The following SEC61A1 variants were observed in gnomAD, a reference collection of about 807,000 sequenced individuals.
The protein encoded by SEC61A1 is protein transport protein Sec61 subunit alpha isoform 1.
A neutral mutation model predicts 55.2 loss-of-function variants in SEC61A1; 15 were observed. The observed-to-expected ratio is 0.27, with a 90% CI of 0.18 to 0.42. The LOEUF is 0.42. SEC61A1 is among the 10% of genes least tolerant of loss of function. The pLI, the probability that SEC61A1 is intolerant of heterozygous loss-of-function variation, is 1.00. For synonymous variants in SEC61A1, 247 were observed against 234.0 expected, an observed-to-expected ratio of 1.06 and a Z score of -0.51; for missense variants, 284 against 602.6, an observed-to-expected ratio of 0.47 and a Z score of 5.53.
rs1258912360 is a variant in SEC61A1, at chr3:128,069,740, T to C, written c.*78T>C. On this transcript the variant is annotated 3_prime_UTR_variant, in exon 12 of 12. Transcript: ENST00000243253. ...GAGCTCTCATCATGGCGCGTGCTGC[T>C]GCGGCATATGGACTTTTAATAATGT... is the stretch of plus-strand genomic sequence containing the variant. The C allele has an allele frequency of 8.6e-7, 1 of 1,163,804 alleles. No individual in the cohort carries two copies. Among genetic ancestry groups the C allele is most frequent in the African/African-American group, 1.5e-5 (1 of 65,006 alleles). The allele number at this position is 1,163,804 out of a possible 1,614,324, so 72.1% of individuals were successfully genotyped here.
chr3:128,052,729 C>T lies in SEC61A1; in HGVS notation c.8-106C>T, dbSNP rs1239235877. 2.0e-5 allele frequency: 30 copies of T among 1,489,270 alleles called. 1 individual carries two copies. In the Middle Eastern group the frequency reaches 1.0e-3, roughly 51 times the overall value. 92.3% of individuals were successfully genotyped at this position (1,489,270 alleles called of 1,614,324 possible). On this transcript the variant is annotated intron_variant, in intron 1 of 11. Transcript: ENST00000243253. ...CACGCGTCCGGGGTGCGGCCGGCTC[C>T]CCTGGCCCCTGCTCTCACTCGTCGT...
chr3:128,058,201 A>ATTTTTTTTTTTTTTTTTTTTTT (rs57508280), intron 5 of SEC61A1, among the ~76,000 whole-genome samples: 5 of 79,358 alleles, frequency 6.3e-5, no homozygotes, highest in Admixed American at 1.9e-4. Flanking sequence ...AAATACGTCT[A>ATTTTTTTTTTTTTTTTTTTTTT]TTTTTTTTTT....
At chr3:128,053,568 T>C (rs1941723493) in intron 2 of SEC61A1, among the ~76,000 whole-genome samples, 1 of 152,266 alleles carries the variant, frequency 6.6e-6, no homozygotes, top group Admixed American at 6.5e-5. Flanking sequence ...AATGTTTGTG[T>C]CCTCACATTA....
At chr3:128,055,427 T>G in intron 2 of SEC61A1, 89 bp from the exon 3 acceptor site, 2 of 1,059,058 alleles carry the variant, frequency 1.9e-6, no homozygotes, top group Non-Finnish European at 3.0e-6. Flanking sequence ...GGAGTCCATT[T>G]TTAGAGAAAG....
chr3:128,052,398 C>CCCGCGCCGCG (rs558830396), upstream of SEC61A1: 24 of 1,214,068 alleles, frequency 2.0e-5, no homozygotes, highest in Middle Eastern at 3.2e-4. Context: ...CCGGCCCCGC[C>CCCGCGCCGCG]CCGCGCCGCG....
upstream of SEC61A1, chr3:128,051,796 C>G: frequency 6.5e-7 from 1 of 1,532,962 alleles, no homozygotes; most frequent in Non-Finnish European, 8.7e-7. Flanking sequence ...TGCCCCGGCC[C>G]TTCTCCGGCC....
chr3:128,055,780 T>TA (rs1559794456), intron 4 of SEC61A1, 29 bp downstream of exon 4: 2 of 1,564,886 alleles, frequency 1.3e-6, no homozygotes, highest in African/African-American at 2.7e-5. Flanking sequence ...CTTTTCTCTG[T>TA]AGAGTGTAGG....
intron 11 of SEC61A1, chr3:128,068,957 G>C (rs1290896250): frequency 6.6e-6 from 1 of 152,316 alleles, no homozygotes; most frequent in Non-Finnish European, 1.5e-5. Flanking sequence ...GCAAACTTCA[G>C]ATCATTTTCT....
intron 7 of SEC61A1, among the ~76,000 whole-genome samples, chr3:128,063,886 T>C (rs1347142172): frequency 1.3e-5 from 2 of 152,230 alleles, no homozygotes; most frequent in Non-Finnish European, 2.9e-5. Context: ...GCCTTAATAA[T>C]GCACCACACT....
Position 128,069,506 on chromosome 3 carries a change from G to C in SEC61A1, c.1275G>C (p.Gly425=). 7.4e-6 allele frequency: 12 copies of C among 1,613,268 alleles called. No individual in the cohort carries two copies. Among genetic ancestry groups the C allele is most frequent in the Non-Finnish European group, 1.0e-5 (12 of 1,180,030 alleles). The change falls in exon 12 of 12, where the codon GGG becomes GGC. Residue 425 remains glycine (G), a synonymous_variant. Coordinates refer to ENST00000243253, the MANE Select transcript of SEC61A1 (RefSeq NM_013336.4). ...TCCCCACAGCCGCGGCCTTTGGTGG[G>C]CTGTGCATCGGGGCCCTCTCGGTCC... is the stretch of plus-strand genomic sequence containing the variant. ...RYIPTAAAFG[G]LCIGALSVLA...
Position 128,067,520 on chromosome 3 carries a change from G to A in SEC61A1, c.1075G>A (p.Val359Ile), listed in dbSNP as rs990977451. 1 of 1,614,154 alleles carries A rather than the reference G, an allele frequency of 6.2e-7. No homozygotes were observed. The highest frequency in any genetic ancestry group is 8.5e-7 in the Non-Finnish European group (1 of 1,180,004). The change falls in exon 10 of 12, where the codon GTC (valine) becomes ATC (isoleucine). Residue 359 changes from valine (V) to isoleucine (I), a missense_variant. Coordinates refer to ENST00000243253, the MANE Select transcript of SEC61A1 (RefSeq NM_013336.4). This position sits in a 1 kb window ranked among gnomAD's most constrained non-coding sequence, Gnocchi z 4.1. ...TTTTGGCTCCGTGTTAGAAGACCCGGTCCATGCAGTTGTATACATAGTGTT... is the reference window on the plus strand; with the variant it reads ...TTTTGGCTCCGTGTTAGAAGACCCGATCCATGCAGTTGTATACATAGTGTT... The part of the protein sequence containing the change: ...ESFGSVLEDP[V>I]HAVVYIVFML...
intron 7 of SEC61A1, among the ~76,000 whole-genome samples, chr3:128,061,604 G>A (rs959423813): frequency 6.6e-6 from 1 of 152,208 alleles, no homozygotes; most frequent in Non-Finnish European, 1.5e-5. Flanking sequence ...GTGCCTAACA[G>A]GTTACAAAGG....
upstream of SEC61A1, chr3:128,052,376 C>T (rs1559793250): frequency 1.7e-5 from 19 of 1,099,344 alleles, no homozygotes; most frequent in African/African-American, 6.6e-5. Flanking sequence ...GGAAGCGATC[C>T]GAGGCCCGGC....
intron 7 of SEC61A1, among the ~76,000 whole-genome samples, chr3:128,063,715 A>C (rs1024654318): frequency 6.6e-6 from 1 of 152,170 alleles, no homozygotes; most frequent in African/African-American, 2.4e-5. Context: ...TGTCTCTGGA[A>C]GTAATGCCAG....
At chr3:128,053,274 T>C (rs536911605) in intron 2 of SEC61A1, among the ~76,000 whole-genome samples, 15 of 152,280 alleles carry the variant, frequency 9.9e-5, no homozygotes, top group South Asian at 4.1e-4. Context: ...TGGTTTTTTT[T>C]CCCAGGAGAT....
upstream of SEC61A1, chr3:128,051,973 C>T (rs955469450): frequency 7.8e-7 from 1 of 1,277,472 alleles, no homozygotes; most frequent in African/African-American, 1.5e-5. Context: ...AGGTGACGGG[C>T]GCCGCGGTAG....
chr3:128,062,525 G>A (rs969830616), intron 7 of SEC61A1, among the ~76,000 whole-genome samples: 1 of 152,234 alleles, frequency 6.6e-6, no homozygotes, highest in African/African-American at 2.4e-5. Context: ...GAAAGGATGG[G>A]AATTGACGAA....
At chr3:128,058,527 A>G (rs1941807164) in intron 5 of SEC61A1, among the ~76,000 whole-genome samples, 1 of 152,152 alleles carries the variant, frequency 6.6e-6, no homozygotes, top group African/African-American at 2.4e-5. Flanking sequence ...AAATACATCT[A>G]TTTAAACTTG....
intron 7 of SEC61A1, among the ~76,000 whole-genome samples, chr3:128,062,416 G>A (rs1343758899): frequency 2.6e-5 from 4 of 152,208 alleles, no homozygotes; most frequent in East Asian, 1.9e-4. Context: ...AATCACTGCT[G>A]CTTCCCTGGG....
Sources: allele counts gnomAD v4.1 joint callset (sites outside exome capture counted in the v4.1 genomes callset), GRCh38; gene constraint gnomAD v4.1.1; non-coding constraint Gnocchi (gnomAD v3.1); transcripts MANE v1.5; gene names NCBI Gene and HGNC (gene_info 2026-07-23, HGNC 2026-07-21).